The following FRS2 variants were observed in gnomAD, a reference collection of about 807,000 sequenced individuals.
FRS2 encodes FGFR signalling adaptor.
FRS2 carries 8 observed loss-of-function variants against 43.9 expected under a neutral mutation model. That is an observed-to-expected ratio of 0.18 (90% CI 0.11 to 0.33). The LOEUF (loss-of-function observed/expected upper bound fraction) is 0.33, where lower values mean the gene tolerates loss of function less well. Ranked by LOEUF, FRS2 falls within the 10% of genes least tolerant of loss-of-function variation. The pLI is 1.00. For synonymous variants in FRS2, 219 were observed against 220.3 expected (o/e 0.99, Z 0.05); for missense variants, 534 against 627.6 (o/e 0.85, Z 1.59).
At chr12:69,569,594 T>C (rs1880579200) in intron 5 of FRS2, among the ~76,000 whole-genome samples, 1 of 152,216 alleles carries the variant, frequency 6.6e-6, no homozygotes, top group Non-Finnish European at 1.5e-5. Flanking sequence ...CTCGATCTGT[T>C]ACAAAGAATA....
At chr12:69,517,814 A>T (rs1010325732) in intron 1 of FRS2, among the ~76,000 whole-genome samples, 2 of 152,066 alleles carry the variant, frequency 1.3e-5, no homozygotes, top group African/African-American at 4.8e-5. Flanking sequence ...TATATTGCGA[A>T]CTTGAGTTCT....
At chr12:69,573,119 C>T (rs576300128) in intron 8 of FRS2, among the ~76,000 whole-genome samples, 1 of 152,256 alleles carries the variant, frequency 6.6e-6, no homozygotes, top group East Asian at 1.9e-4. Context: ...AGGCGTGAGC[C>T]ACTGTGCCCG....
intron 3 of FRS2, among the ~76,000 whole-genome samples, chr12:69,538,194 ATT>A (rs921058241): frequency 0.015 from 682 of 44,632 alleles, 23 homozygotes; most frequent in African/African-American, 0.071. Flanking sequence ...AAAAAAACAA[ATT>A]TTATATATAT....
intron 1 of FRS2, among the ~76,000 whole-genome samples, chr12:69,513,164 G>A (rs201124825): frequency 8.5e-6 from 1 of 118,084 alleles, no homozygotes; most frequent in African/African-American, 3.3e-5. Context: ...TTTTTTTTTT[G>A]ACCTTTTAAT....
chr12:69,571,396 C>T lies in FRS2; in HGVS notation c.374C>T (p.Thr125Ile), dbSNP rs1381242141. The part of the protein sequence containing the change: ...EPVVERNNHQ[T>I]ELEVPRTPRT... ...GTTGTAGAAAGAAATAATCATCAGA[C>T]AGAATTGGAAGTCCCTAGAACACCT... is the stretch of plus-strand genomic sequence containing the variant. Residue 125 changes from threonine (T) to isoleucine (I), a missense_variant, in exon 7 of 9, where the codon ACA (threonine) becomes ATA (isoleucine). Coordinates refer to ENST00000549921, the MANE Select transcript of FRS2 (RefSeq NM_001278356.2). 3 of 1,612,916 alleles carry T rather than the reference C, an allele frequency of 1.9e-6. No homozygotes were observed. The South Asian group carries it at 3.3e-5, about 18-fold the overall frequency.
chr12:69,504,655 ATGT>A (rs754266644), intron 1 of FRS2, among the ~76,000 whole-genome samples: 45 of 152,350 alleles, frequency 3.0e-4, no homozygotes, highest in Non-Finnish European at 4.7e-4. Context: ...TAATTTAATA[ATGT>A]TCTTTTTATT....
chr12:69,473,020 G>A (rs761723002), intron 1 of FRS2, among the ~76,000 whole-genome samples: 1 of 152,122 alleles, frequency 6.6e-6, no homozygotes, highest in African/African-American at 2.4e-5. Context: ...GGTGGTTTGA[G>A]GTAAAGTTTG....
chr12:69,475,656 C>A (rs1467870830), intron 1 of FRS2, among the ~76,000 whole-genome samples: 1 of 152,104 alleles, frequency 6.6e-6, no homozygotes, highest in African/African-American at 2.4e-5. Flanking sequence ...TGGTATTCAA[C>A]CTTGGGAGAG....
intron 3 of FRS2, among the ~76,000 whole-genome samples, chr12:69,560,482 C>T (rs190749360): frequency 2.9e-4 from 44 of 152,216 alleles, no homozygotes; most frequent in Non-Finnish European, 5.9e-4. Context: ...AAGATTTTTG[C>T]GTGTATTAAT....
At chr12:69,519,152 C>T (rs1323581216) in intron 1 of FRS2, among the ~76,000 whole-genome samples, 4 of 152,114 alleles carry the variant, frequency 2.6e-5, no homozygotes, top group African/African-American at 9.7e-5. Flanking sequence ...GTCTCTGGGA[C>T]ACATAGATAT....
At chr12:69,513,318 T>C (rs1874653326) in intron 1 of FRS2, among the ~76,000 whole-genome samples, 1 of 152,116 alleles carries the variant, frequency 6.6e-6, no homozygotes, top group Non-Finnish European at 1.5e-5. Flanking sequence ...AAACTATGCT[T>C]GATTTTGTTC....
intron 3 of FRS2, among the ~76,000 whole-genome samples, chr12:69,556,106 G>T (rs1414084347): frequency 6.6e-6 from 1 of 151,312 alleles, no homozygotes; most frequent in Non-Finnish European, 1.5e-5. Context: ...CTGCTATGTT[G>T]CACAGGCTGG....
intron 1 of FRS2, among the ~76,000 whole-genome samples, chr12:69,503,015 C>T (rs1332557211): frequency 6.6e-6 from 1 of 152,192 alleles, no homozygotes; most frequent in Non-Finnish European, 1.5e-5. Flanking sequence ...ATACATGTGG[C>T]TAGATTCTCT....
intron 4 of FRS2, among the ~76,000 whole-genome samples, chr12:69,565,802 T>C (rs1366378451): frequency 2.0e-5 from 3 of 151,822 alleles, no homozygotes; most frequent in East Asian, 1.9e-4. Flanking sequence ...AGGACTTGCC[T>C]GAGGCTGTTT....
At chr12:69,478,011 A>C (rs1013531001) in intron 1 of FRS2, among the ~76,000 whole-genome samples, 2 of 149,100 alleles carry the variant, frequency 1.3e-5, no homozygotes, top group Non-Finnish European at 3.0e-5. Flanking sequence ...AAAGTGCTGG[A>C]ATTACAGGTG....
At chr12:69,560,981 A>G (rs1433459457) in intron 3 of FRS2, among the ~76,000 whole-genome samples, 3 of 152,202 alleles carry the variant, frequency 2.0e-5, no homozygotes, top group African/African-American at 4.8e-5. Context: ...CAGAATGCTT[A>G]TAAGTGGAAT....
At chr12:69,556,091 A>C (rs753276294) in intron 3 of FRS2, among the ~76,000 whole-genome samples, 4 of 151,570 alleles carry the variant, frequency 2.6e-5, no homozygotes, top group Non-Finnish European at 5.9e-5. Context: ...ATTAGAGATG[A>C]TGTCCTGCTA....
chr12:69,542,783 A>C (rs570156604), intron 3 of FRS2, among the ~76,000 whole-genome samples: 120 of 152,358 alleles, frequency 7.9e-4, no homozygotes, highest in African/African-American at 2.6e-3. Flanking sequence ...AGAAATTAAA[A>C]GAGCTTAGGA....
Position 69,579,099 on chromosome 12 carries a change from C to T in FRS2, c.*4144C>T, listed in dbSNP as rs969958906. On this transcript the variant is annotated 3_prime_UTR_variant, in exon 9 of 9. Coordinates refer to ENST00000549921, the MANE Select transcript of FRS2 (RefSeq NM_001278356.2). Reference sequence around the variant, plus strand: ...AACATAATTTTCCCTCTATCCCTTCCCACCCTTTGTTCTCTATTTCTCCCT... The same window carrying T: ...AACATAATTTTCCCTCTATCCCTTCTCACCCTTTGTTCTCTATTTCTCCCT... The T allele has an allele frequency of 1.3e-5, 2 of 152,594 alleles. No homozygotes were observed. Among genetic ancestry groups the T allele is most frequent in the African/African-American group, 4.8e-5 (2 of 41,428 alleles). The allele number at this position is 152,594 out of a possible 1,614,324, so 9.5% of individuals were successfully genotyped here.
Sources: allele counts gnomAD v4.1 joint callset (sites outside exome capture counted in the v4.1 genomes callset), GRCh38; gene constraint gnomAD v4.1.1; transcripts MANE v1.5; gene names NCBI Gene and HGNC (gene_info 2026-07-23, HGNC 2026-07-21).